Variants in ZNF510 observed in about 807,000 individuals in gnomAD.
The protein encoded by ZNF510 is zinc finger protein 510.
Under a neutral mutation model 18.1 loss-of-function variants are expected in ZNF510, and 15 were observed. That is an observed-to-expected ratio of 0.83 (90% confidence interval 0.55 to 1.28). The LOEUF (loss-of-function observed/expected upper bound fraction) is 1.28, where lower values mean the gene tolerates loss of function less well. Ranked by LOEUF, ZNF510 falls within the 50% of genes most tolerant of loss-of-function variation. The pLI is 0.00. For synonymous variants in ZNF510, 261 were observed against 266.4 expected (o/e 0.98, Z 0.20); for missense variants, 724 against 791.8 (o/e 0.91, Z 1.03).
chr9:96,774,074 G>GAAGT (rs1371751243), intron 3 of ZNF510, among the ~76,000 whole-genome samples: 1 of 152,182 alleles, frequency 6.6e-6, no homozygotes, highest in African/African-American at 2.4e-5. Context: ...TCCCTAAGAG[G>GAAGT]AAGTCCAAAC....
chr9:96,767,632 T>A lies in ZNF510; in HGVS notation c.130-4000A>T, dbSNP rs558619890. ...AACAAATTACATAACCAAGATGAAG[T>A]GGACAAATTCCTAGAAACACACAAA... On this transcript the variant is annotated intron_variant, in intron 3 of 5. Coordinates refer to ENST00000223428, the MANE Select transcript of ZNF510 (RefSeq NM_014930.3). Among the ~76,000 whole-genome samples, 4 of 152,158 alleles carry A rather than the reference T, an allele frequency of 2.6e-5. No homozygotes were observed. In the South Asian group the frequency reaches 8.3e-4, roughly 32 times the overall value.
At chr9:96,771,103 C>T (rs1193180197) in intron 3 of ZNF510, among the ~76,000 whole-genome samples, 1 of 152,036 alleles carries the variant, frequency 6.6e-6, no homozygotes, top group Non-Finnish European at 1.5e-5. Flanking sequence ...TCAGAGAACA[C>T]AAAATGAATA....
chr9:96,776,546 AG>A (rs1849708411), intron 1 of ZNF510, among the ~76,000 whole-genome samples: 1 of 152,200 alleles, frequency 6.6e-6, no homozygotes, highest in African/African-American at 2.4e-5. Context: ...AGGCCAAGGC[AG>A]GTGGATCACC....
chr9:96,768,868 A>G (rs1305180353), intron 3 of ZNF510, among the ~76,000 whole-genome samples: 1 of 152,180 alleles, frequency 6.6e-6, no homozygotes, highest in African/African-American at 2.4e-5. Context: ...GGGACCCTGA[A>G]TAGTCAAAAC....
In ZNF510 at chr9:96,759,686, T is replaced by G; in HGVS notation, c.1144A>C (p.Asn382His). ...TWVKSSEYHENKKSYQTSVHR... is the reference protein window; with the variant it reads ...TWVKSSEYHEHKKSYQTSVHR... ...ACCGACGTCTGGTAGGATTTCTTAT[T>G]TTCATGATATTCAGAGGATTTAACC... Residue 382 changes from asparagine to histidine, a missense_variant, in exon 6 of 6, where the codon AAT becomes CAT. Transcript: ENST00000223428. 6.2e-7 allele frequency: 1 copy of G among 1,613,784 alleles called. No individual in the cohort carries two copies. Among genetic ancestry groups the G allele is most frequent in the Non-Finnish European group, 8.5e-7 (1 of 1,179,978 alleles).
chr9:96,758,908 G>A lies in ZNF510; in HGVS notation c.1922C>T (p.Ser641Leu), dbSNP rs199875172. 162 of 1,613,924 alleles carry A rather than the reference G, an allele frequency of 1.0e-4. No homozygotes were observed. Among genetic ancestry groups the A allele is most frequent in the Non-Finnish European group, 4.2e-6 (5 of 1,179,986 alleles). Residue 641 changes from serine to leucine, a missense_variant, in exon 6 of 6, where the codon TCA becomes TTA. By Grantham distance (145) the Ser-to-Leu change is moderately radical. Coordinates refer to ENST00000223428, the MANE Select transcript of ZNF510 (RefSeq NM_014930.3). ...AGTCCTTTGATGTATTCTGAGGTTTGATTTCTGGCCAAAAGTTTTCCCACA... is the reference window on the plus strand; with the variant it reads ...AGTCCTTTGATGTATTCTGAGGTTTAATTTCTGGCCAAAAGTTTTCCCACA... ...NKCGKTFGQK[S>L]NLRIHQRTHS...
intron 1 of ZNF510, among the ~76,000 whole-genome samples, chr9:96,776,554 C>G (rs1012593280): frequency 1.3e-5 from 2 of 152,212 alleles, no homozygotes; most frequent in African/African-American, 2.4e-5. Context: ...GCAGGTGGAT[C>G]ACCTGAGGTC....
At chr9:96,767,004 C>T (rs1014179434) in intron 3 of ZNF510, among the ~76,000 whole-genome samples, 3 of 152,104 alleles carry the variant, frequency 2.0e-5, no homozygotes, top group Admixed American at 6.6e-5. Context: ...GGTGGATTTT[C>T]ACCTCGCTAC....
Position 96,763,099 on chromosome 9 carries a change from C to G in ZNF510, c.352+19G>C. 1 of 1,601,154 alleles carries G rather than the reference C, an allele frequency of 6.2e-7. No homozygotes were observed. Among genetic ancestry groups the G allele is most frequent in the Non-Finnish European group, 8.6e-7 (1 of 1,168,214 alleles). On this transcript the variant is annotated intron_variant, in intron 5 of 5. Transcript: ENST00000223428. ...AACCACTCCTGCAGAATTATGTCTA[C>G]TACTGCTCAGTAACTCACTTGGGTG... is the stretch of plus-strand genomic sequence containing the variant.
intron 3 of ZNF510, among the ~76,000 whole-genome samples, chr9:96,773,246 C>A (rs1849620730): frequency 6.6e-6 from 1 of 152,058 alleles, no homozygotes; most frequent in Non-Finnish European, 1.5e-5. Flanking sequence ...ATGTAAAAAT[C>A]CATCCAGTTA....
chr9:96,763,224 A>G lies in ZNF510; in HGVS notation c.257-11T>C, dbSNP rs767788319. 20 of 1,612,996 alleles carry G rather than the reference A, an allele frequency of 1.2e-5. No homozygotes were observed. Among genetic ancestry groups the G allele is most frequent in the Non-Finnish European group, 1.7e-5 (20 of 1,179,034 alleles). On this transcript the variant is annotated splice_polypyrimidine_tract_variant and intron_variant, in intron 4 of 5. Coordinates refer to ENST00000223428, the MANE Select transcript of ZNF510 (RefSeq NM_014930.3). ...TGAAACAGCAGTACCCTGTTAATAA[A>G]ACACAATCGAGGACTTAGACCAGAT...
In ZNF510 at chr9:96,757,519, A is replaced by C. The variant is rs1011185605; in HGVS notation, c.*1259T>G. 1.3e-5 allele frequency: 2 copies of C among 152,194 alleles called. No individual in the cohort carries two copies. Among genetic ancestry groups the C allele is most frequent in the Non-Finnish European group, 2.9e-5 (2 of 68,028 alleles). 9.4% of individuals were successfully genotyped at this position (152,194 alleles called of 1,614,324 possible). ...ATTGACTTAAGCCTGGCTTACACAG[A>C]AGCTTTCTGCCTTCCTAGCAGAAGA... On this transcript the variant is annotated 3_prime_UTR_variant, in exon 6 of 6. Coordinates refer to ENST00000223428, the MANE Select transcript of ZNF510 (RefSeq NM_014930.3).
chr9:96,759,760 G>C lies in ZNF510; in HGVS notation c.1070C>G (p.Ala357Gly), dbSNP rs1849300066. ...RKAHLTDPQTAVIEENPLVSN... is the reference protein window; with the variant it reads ...RKAHLTDPQTGVIEENPLVSN... ...TACCAATGGGTTCTCTTCTATGACA[G>C]CTGTTTGAGGATCAGTGAGGTGTGC... The change falls in exon 6 of 6, where the codon GCT becomes GGT. Residue 357 changes from alanine (A) to glycine (G), a missense_variant. Coordinates refer to ENST00000223428, the MANE Select transcript of ZNF510 (RefSeq NM_014930.3). The C allele has an allele frequency of 6.2e-7, 1 of 1,613,942 alleles. No homozygotes were observed. The highest frequency in any genetic ancestry group is 8.5e-7 in the Non-Finnish European group (1 of 1,180,008).
At position 96,757,649 on chromosome 9, in the gene ZNF510, T is replaced by C. The variant is rs1484689224; in HGVS notation, c.*1129A>G. The stretch of plus-strand genomic sequence containing the variant: ...AGGAATGCTCTCCAAGAATTCCAAG[T>C]TGATGTTTGAAACCACGGGTATACT... On this transcript the variant is annotated 3_prime_UTR_variant, in exon 6 of 6. Coordinates refer to ENST00000223428, the MANE Select transcript of ZNF510 (RefSeq NM_014930.3). 6.6e-6 allele frequency: 1 copy of C among 152,230 alleles called. No homozygotes were observed. The highest frequency in any genetic ancestry group is 1.5e-5 in the Non-Finnish European group (1 of 68,032). The allele number at this position is 152,230 out of a possible 1,614,324, so 9.4% of individuals were successfully genotyped here.
At chr9:96,771,277 A>G (rs1040911458) in intron 3 of ZNF510, among the ~76,000 whole-genome samples, 1 of 152,180 alleles carries the variant, frequency 6.6e-6, no homozygotes, top group African/African-American at 2.4e-5. Context: ...TGATAGCACT[A>G]CCTTATGTGG....
At chr9:96,773,364 A>T (rs1299401774) in intron 3 of ZNF510, among the ~76,000 whole-genome samples, 2 of 152,194 alleles carry the variant, frequency 1.3e-5, no homozygotes, top group African/African-American at 4.8e-5. Context: ...ATTTAGCAAA[A>T]TATATATAGT....
intron 5 of ZNF510, among the ~76,000 whole-genome samples, chr9:96,762,037 A>G (rs982239518): frequency 3.3e-5 from 5 of 152,022 alleles, no homozygotes; most frequent in Non-Finnish European, 4.4e-5. Context: ...AAATGATACA[A>G]TGGACTTTGG....
intron 5 of ZNF510, 115 bp from the exon 6 acceptor site, chr9:96,760,592 T>A: frequency 1.0e-6 from 1 of 971,872 alleles, no homozygotes; most frequent in East Asian, 2.5e-5. Context: ...ATTAAATAAT[T>A]CAGATGTATG....
Position 96,759,325 on chromosome 9 carries a change from G to T in ZNF510, c.1505C>A (p.Thr502Asn). The T allele has an allele frequency of 6.2e-7, 1 of 1,613,984 alleles. No homozygotes were observed. Among genetic ancestry groups the T allele is most frequent in the Non-Finnish European group, 8.5e-7 (1 of 1,179,988 alleles). Residue 502 changes from threonine (T) to asparagine (N), a missense_variant, in exon 6 of 6, where the codon ACC (threonine) becomes AAC (asparagine). Transcript: ENST00000223428. ...GTGAATTCTGTGATGATCTCTGAGG[G>T]TGGACTTCTGAACAAAAGTTTTCCC... ...ECGKTFVQKS[T>N]LRDHHRIHTG...
Sources: gnomAD v4.1 joint callset for allele counts (sites outside exome capture counted in the v4.1 genomes callset) on GRCh38, gnomAD v4.1.1 for gene constraint, MANE v1.5 for transcripts, NCBI Gene and HGNC (gene_info 2026-07-23, HGNC 2026-07-21) for gene names.